The following ACOX1 variants were observed in gnomAD, a reference collection of about 807,000 sequenced individuals.
ACOX1 encodes acyl-CoA oxidase 1, also known as peroxisomal acyl-coenzyme A oxidase 1.
Under a neutral mutation model 75.5 loss-of-function variants are expected in ACOX1, and 41 were observed. The observed-to-expected ratio is 0.54, with a 90% CI of 0.42 to 0.70. The LOEUF is 0.70. Ranked by LOEUF, ACOX1 falls within the 30% of genes least tolerant of loss-of-function variation. The pLI is 0.00. For missense variants in ACOX1, 630 were observed against 837.5 expected, an observed-to-expected ratio of 0.75 and a Z score of 3.06; for synonymous variants, 303 against 298.8, an observed-to-expected ratio of 1.01 and a Z score of -0.15.
In ACOX1 at chr17:75,949,193, GACTTAT is replaced by G; in HGVS notation, c.1728+18_1728+23del. ...TTTTTCTTAAAACAACAACAAAAAA[GACTTAT>G]ACTTAGAAAATACTGACCTGAAGGA... is the stretch of plus-strand genomic sequence containing the variant. On this transcript the variant is annotated intron_variant, in intron 12 of 13. Transcript: ENST00000293217. 1.2e-6 allele frequency: 2 copies of G among 1,613,808 alleles called. No homozygotes were observed. Among genetic ancestry groups the G allele is most frequent in the East Asian group, 2.2e-5 (1 of 44,860 alleles).
chr17:75,958,164 C>T (rs368672722), intron 3 of ACOX1, among the ~76,000 whole-genome samples: 1,972 of 148,424 alleles, frequency 0.013, 50 homozygotes, highest in African/African-American at 0.044. Flanking sequence ...TCCATCCTGG[C>T]TAACATGGTG....
chr17:75,949,903 AG>A lies in ACOX1; in HGVS notation c.1299-7del. 16 of 1,614,182 alleles carry A rather than the reference AG, an allele frequency of 9.9e-6. No homozygotes were observed. The highest frequency in any genetic ancestry group is 1.7e-4 in the Middle Eastern group (1 of 6,058). On this transcript the variant is annotated splice_polypyrimidine_tract_variant and splice_region_variant and intron_variant, in intron 9 of 13. Coordinates refer to ENST00000293217, the MANE Select transcript of ACOX1 (RefSeq NM_004035.7). ...CATAACTTTTCATCAGGAACCTAAA[AG>A]TCACCAGTAAACATGCTTTTAGTAA...
rs2065684636 is a variant in ACOX1, at chr17:75,942,784, A to G, written c.*3964T>C. On this transcript the variant is annotated 3_prime_UTR_variant, in exon 14 of 14. Coordinates refer to ENST00000293217, the MANE Select transcript of ACOX1 (RefSeq NM_004035.7). The stretch of plus-strand genomic sequence containing the variant: ...CTACACCTAATTCACTTCCTTTCTA[A>G]TAAGATGGATGGAATAACTCGGAAA... 4 of 152,106 alleles carry G rather than the reference A, an allele frequency of 2.6e-5. No individual in the cohort carries two copies. The highest frequency in any genetic ancestry group is 2.6e-4 in the Admixed American group (4 of 15,254). 9.4% of individuals were successfully genotyped at this position (152,106 alleles called of 1,614,324 possible). A position where few individuals can be genotyped will look rare whatever the true frequency, so the allele number is the denominator to read the frequency against.
chr17:75,957,376 A>G (rs977971237), intron 4 of ACOX1, 83 bp downstream of exon 4: 9 of 1,269,850 alleles, frequency 7.1e-6, no homozygotes, highest in Non-Finnish European at 9.2e-6. Context: ...TCTGGCCGAC[A>G]TTATCATAAA....
chr17:75,978,514 C>T lies in ACOX1; in HGVS notation c.269+20G>A, dbSNP rs141776416. On this transcript the variant is annotated intron_variant, in intron 2 of 13. Coordinates refer to ENST00000293217, the MANE Select transcript of ACOX1 (RefSeq NM_004035.7). The surrounding 1 kb of genome is among the most constrained non-coding windows in gnomAD (Gnocchi z 4.2). ...AAGTTTAGGCTTAACAACACTTGCT[C>T]TGTTCTAAGGCATACCTACTTTTTA... 1.2e-5 allele frequency: 19 copies of T among 1,614,026 alleles called. No individual in the cohort carries two copies. The highest frequency in any genetic ancestry group is 1.6e-5 in the Non-Finnish European group (19 of 1,180,024).
intron 6 of ACOX1, among the ~76,000 whole-genome samples, chr17:75,954,215 C>CA (rs1318167016): frequency 0.062 from 4,602 of 74,140 alleles, 223 homozygotes; most frequent in African/African-American, 0.17. Flanking sequence ...GACTCTGTCT[C>CA]AAAAAAAAAA....
Position 75,967,717 on chromosome 17 carries a change from T to C in ACOX1, c.270-7342A>G, listed in dbSNP as rs1036783455. On this transcript the variant is annotated intron_variant, in intron 2 of 13. Coordinates refer to ENST00000293217, the MANE Select transcript of ACOX1 (RefSeq NM_004035.7). ...ACATACATATATATACATATATATA[T>C]ACACATATATATATATACACGTATA... Among the ~76,000 whole-genome samples, 61 of 133,726 alleles carry C rather than the reference T, an allele frequency of 4.6e-4. 2 individuals carry two copies. The highest frequency in any genetic ancestry group is 2.9e-3 in the Admixed American group (37 of 12,826). 87.7% of individuals were successfully genotyped at this position (133,726 alleles called of 152,430 possible). A position where few individuals can be genotyped will look rare whatever the true frequency, so the allele number is the denominator to read the frequency against.
intron 5 of ACOX1, 44 bp downstream of exon 5, chr17:75,955,784 G>T: frequency 6.2e-7 from 1 of 1,613,860 alleles, no homozygotes; most frequent in South Asian, 1.1e-5. Context: ...AGAAGAAAGT[G>T]CTCAGTTTCA....
intron 2 of ACOX1, among the ~76,000 whole-genome samples, chr17:75,976,681 C>T (rs1360411125): frequency 1.3e-5 from 2 of 152,014 alleles, no homozygotes; most frequent in Admixed American, 6.6e-5. Flanking sequence ...GTCCAAAGTG[C>T]CAGAGTAAAC....
Position 75,944,727 on chromosome 17 carries a change from G to C in ACOX1, c.*2021C>G, listed in dbSNP as rs1279349605. 3 of 152,012 alleles carry C rather than the reference G, an allele frequency of 2.0e-5. No homozygotes were observed. Among genetic ancestry groups the C allele is most frequent in the Non-Finnish European group, 2.9e-5 (2 of 67,990 alleles). 9.4% of individuals were successfully genotyped at this position (152,012 alleles called of 1,614,324 possible). A position where few individuals can be genotyped will look rare whatever the true frequency, so the allele number is the denominator to read the frequency against. ...GAACATTCCAATATTAATAAAAATA[G>C]CATCAAATGTCAGATTTAGATTTTT... is the stretch of plus-strand genomic sequence containing the variant. On this transcript the variant is annotated 3_prime_UTR_variant, in exon 14 of 14. Coordinates refer to ENST00000293217, the MANE Select transcript of ACOX1 (RefSeq NM_004035.7).
At position 75,950,972 on chromosome 17, in the gene ACOX1, G is replaced by A. The variant is rs753514568; in HGVS notation, c.1108-8C>T. On this transcript the variant is annotated splice_region_variant and splice_polypyrimidine_tract_variant and intron_variant, in intron 8 of 13. Transcript: ENST00000293217. The surrounding 1 kb of genome is among the most constrained non-coding windows in gnomAD (Gnocchi z 4.3). ...AGCGGTGAGGGCATGAAGCTGAGAG[G>A]ACAAGCACAGATCTGTCAGGACATC... is the stretch of plus-strand genomic sequence containing the variant. 5.6e-6 allele frequency: 9 copies of A among 1,613,306 alleles called. No homozygotes were observed. The African/African-American group carries it at 8.0e-5, about 14-fold the overall frequency.
chr17:75,947,451 T>C lies in ACOX1; in HGVS notation c.1936-656A>G, dbSNP rs375410437. Among the ~76,000 whole-genome samples, 7 of 152,236 alleles carry C rather than the reference T, an allele frequency of 4.6e-5. No homozygotes were observed. The South Asian group carries it at 1.4e-3, about 32-fold the overall frequency. On this transcript the variant is annotated intron_variant, in intron 13 of 13. Transcript: ENST00000293217. ...TAGTAGAAACAAGGTTTCTCCATGT[T>C]GGTCAGGCTGGTCTCAAACTCCCGA...
At chr17:75,971,599 G>A (rs1431484033) in intron 2 of ACOX1, among the ~76,000 whole-genome samples, 1 of 151,788 alleles carries the variant, frequency 6.6e-6, no homozygotes, top group Non-Finnish European at 1.5e-5. Context: ...AAAATTAGCC[G>A]GGCATGGTGG....
In ACOX1 at chr17:75,949,181, A is replaced by G. The variant is rs199559466; in HGVS notation, c.1728+36T>C. 8 of 1,613,306 alleles carry G rather than the reference A, an allele frequency of 5.0e-6. No homozygotes were observed. In the African/African-American group the frequency reaches 9.3e-5, roughly 19 times the overall value. ...AGCCAACAATTATTTTTCTTAAAAC[A>G]ACAACAAAAAAGACTTATACTTAGA... On this transcript the variant is annotated intron_variant, in intron 12 of 13. Transcript: ENST00000293217.
chr17:75,955,431 G>A (rs1304548713), intron 6 of ACOX1, 135 bp downstream of exon 6: 3 of 784,972 alleles, frequency 3.8e-6, no homozygotes, highest in Non-Finnish European at 4.4e-6. Flanking sequence ...CCAAAGTGCT[G>A]GGATAACAGG....
chr17:75,964,689 G>A (rs2065914551), intron 2 of ACOX1, among the ~76,000 whole-genome samples: 2 of 152,104 alleles, frequency 1.3e-5, no homozygotes, highest in African/African-American at 4.8e-5. Flanking sequence ...ATAGTTTTTT[G>A]ACTTAAGCCA....
chr17:75,971,382 C>T (rs2065992986), intron 2 of ACOX1, among the ~76,000 whole-genome samples: 1 of 152,036 alleles, frequency 6.6e-6, no homozygotes, highest in African/African-American at 2.4e-5. Context: ...TATAGGATCT[C>T]TGTCCAACTT....
Position 75,951,544 on chromosome 17 carries a change from G to T in ACOX1, c.978C>A (p.Thr326=). ...EPEPQILDFQ[T]QQYKLFPLLA... ...GGAGTGGAAAGAGTTTATACTGCTGGGTTTGAAAATCCAAAATCTGTGGTT... is the reference window on the plus strand; with the variant it reads ...GGAGTGGAAAGAGTTTATACTGCTGTGTTTGAAAATCCAAAATCTGTGGTT... The change falls in exon 8 of 14, where the codon ACC becomes ACA. Residue 326 remains threonine (T), a synonymous_variant. Transcript: ENST00000293217. The T allele has an allele frequency of 6.2e-7, 1 of 1,614,078 alleles. No homozygotes were observed. The highest frequency in any genetic ancestry group is 1.3e-5 in the African/African-American group (1 of 75,020).
At position 75,950,000 on chromosome 17, in the gene ACOX1, C is replaced by T. The variant is rs2065759822; in HGVS notation, c.1299-103G>A. On this transcript the variant is annotated intron_variant, in intron 9 of 13. Coordinates refer to ENST00000293217, the MANE Select transcript of ACOX1 (RefSeq NM_004035.7). ...GCCTAGGCTGGATGGAGTGCAATGG[C>T]CAGATCTCAGCTCACTGCAACCTCC... 3 of 1,283,038 alleles carry T rather than the reference C, an allele frequency of 2.3e-6. No individual in the cohort carries two copies. The African/African-American group carries it at 4.4e-5, about 19-fold the overall frequency. The allele number at this position is 1,283,038 out of a possible 1,614,324, so 79.5% of individuals were successfully genotyped here. A position where few individuals can be genotyped will look rare whatever the true frequency, so the allele number is the denominator to read the frequency against.
Sources: gnomAD v4.1 joint callset for allele counts (sites outside exome capture counted in the v4.1 genomes callset) on GRCh38, gnomAD v4.1.1 for gene constraint, Gnocchi (gnomAD v3.1) non-coding constraint, MANE v1.5 for transcripts, NCBI Gene and HGNC (gene_info 2026-07-23, HGNC 2026-07-21) for gene names.